Variants in JAZF1 observed in about 807,000 individuals in gnomAD.
JAZF1 encodes juxtaposed with another zinc finger protein 1.
JAZF1 carries 8 observed loss-of-function variants against 26.4 expected under a neutral mutation model. The observed-to-expected ratio is 0.30, with a 90% confidence interval of 0.18 to 0.55. The LOEUF is 0.55. Ranked by LOEUF, JAZF1 falls within the 20% of genes least tolerant of loss-of-function variation. JAZF1 has a pLI of 0.94. For synonymous variants in JAZF1, 126 were observed against 122.3 expected, an observed-to-expected ratio of 1.03 and a Z score of -0.20; for missense variants, 199 against 322.0, an observed-to-expected ratio of 0.62 and a Z score of 2.92.
intron 2 of JAZF1, among the ~76,000 whole-genome samples, chr7:27,905,661 G>A (rs1307830144): frequency 6.7e-6 from 1 of 148,468 alleles, no homozygotes; most frequent in African/African-American, 2.5e-5. Flanking sequence ...ACCTTTTTTA[G>A]TATTTAAATA....
chr7:27,975,685 A>C lies in JAZF1; in HGVS notation c.188+16224T>G, dbSNP rs145256269. Among the ~76,000 whole-genome samples, 205 of 152,320 alleles carry C rather than the reference A, an allele frequency of 1.3e-3. 1 individual carries two copies. Among genetic ancestry groups the C allele is most frequent in the Non-Finnish European group, 1.9e-3 (132 of 68,020 alleles). On this transcript the variant is annotated intron_variant, in intron 2 of 4. Coordinates refer to ENST00000283928, the MANE Select transcript of JAZF1 (RefSeq NM_175061.4). ...TGTCTAGGGTGTTTCTTTATCACTG[A>C]ATTTCTACTGACCTGTGATAAGTTT... is the stretch of plus-strand genomic sequence containing the variant.
intron 1 of JAZF1, among the ~76,000 whole-genome samples, chr7:28,038,879 T>C (rs914080405): frequency 6.6e-6 from 1 of 152,220 alleles, no homozygotes; most frequent in Non-Finnish European, 1.5e-5. Flanking sequence ...TAAAGTATTG[T>C]ACAAAAAACC....
At chr7:28,028,426 C>A (rs973059050) in intron 1 of JAZF1, among the ~76,000 whole-genome samples, 4 of 152,184 alleles carry the variant, frequency 2.6e-5, no homozygotes, top group Non-Finnish European at 5.9e-5. Flanking sequence ...TCTTAAGGGT[C>A]ATGTAGCACT....
intron 1 of JAZF1, among the ~76,000 whole-genome samples, chr7:28,066,043 T>G (rs1177248790): frequency 6.6e-6 from 1 of 152,188 alleles, no homozygotes; most frequent in Non-Finnish European, 1.5e-5. Context: ...TAGTGCTATC[T>G]CTGTTTTTTG....
chr7:27,878,045 G>A (rs964449232), intron 3 of JAZF1, among the ~76,000 whole-genome samples: 5 of 152,164 alleles, frequency 3.3e-5, no homozygotes, highest in Non-Finnish European at 2.9e-5. Context: ...TGTTGATGCC[G>A]AGTCTGCAAG....
intron 1 of JAZF1, among the ~76,000 whole-genome samples, chr7:28,165,832 T>C (rs2127953017): frequency 6.6e-6 from 1 of 152,312 alleles, no homozygotes; most frequent in South Asian, 2.1e-4. Flanking sequence ...TGTTTGAAAT[T>C]AGCTCATGTA....
intron 2 of JAZF1, among the ~76,000 whole-genome samples, chr7:27,966,438 G>A (rs1333023800): frequency 6.6e-6 from 1 of 152,184 alleles, no homozygotes; most frequent in African/African-American, 2.4e-5. Flanking sequence ...GAGGTAGAGA[G>A]TGAGATGCAA....
intron 1 of JAZF1, among the ~76,000 whole-genome samples, chr7:28,158,968 G>A (rs1272651922): frequency 6.6e-6 from 1 of 152,192 alleles, no homozygotes. Flanking sequence ...CTATGTGCCA[G>A]CCACTGTCCT....
intron 1 of JAZF1, among the ~76,000 whole-genome samples, chr7:28,030,816 T>C (rs1012326367): frequency 2.0e-5 from 3 of 152,242 alleles, no homozygotes; most frequent in Non-Finnish European, 4.4e-5. Context: ...TTGATTTCTA[T>C]TTTGGTCTTG....
chr7:28,144,605 G>C (rs1037152563), intron 1 of JAZF1, among the ~76,000 whole-genome samples: 1 of 152,220 alleles, frequency 6.6e-6, no homozygotes, highest in African/African-American at 2.4e-5. Context: ...AGCTGGAGAG[G>C]AAAGAGAAAA....
chr7:27,989,759 G>A (rs573519180), intron 2 of JAZF1, among the ~76,000 whole-genome samples: 2 of 152,282 alleles, frequency 1.3e-5, no homozygotes, highest in Admixed American at 1.3e-4. Context: ...AGTTAGAATG[G>A]CAATCATCAA....
At chr7:27,869,199 G>A (rs1783536928) in intron 3 of JAZF1, among the ~76,000 whole-genome samples, 1 of 152,070 alleles carries the variant, frequency 6.6e-6, no homozygotes, top group African/African-American at 2.4e-5. Flanking sequence ...CTCTATTCAG[G>A]GCTGAAAAAC....
intron 1 of JAZF1, among the ~76,000 whole-genome samples, chr7:28,174,442 G>C (rs961957910): frequency 1.1e-4 from 17 of 152,178 alleles, no homozygotes; most frequent in African/African-American, 4.1e-4. Context: ...CCTACGGGAA[G>C]AATTGGGTTT....
intron 2 of JAZF1, among the ~76,000 whole-genome samples, chr7:27,910,626 TCC>T (rs770148077): frequency 5.9e-5 from 9 of 152,212 alleles, no homozygotes; most frequent in Non-Finnish European, 1.2e-4. Context: ...AACCTGATTA[TCC>T]CAAATCCCTA....
intron 3 of JAZF1, among the ~76,000 whole-genome samples, chr7:27,871,452 G>A (rs1002117518): frequency 6.6e-6 from 1 of 152,204 alleles, no homozygotes; most frequent in Non-Finnish European, 1.5e-5. Flanking sequence ...ATCCACAGAT[G>A]TCCTAATGGG....
At chr7:27,978,014 AATT>A (rs1367551817) in intron 2 of JAZF1, among the ~76,000 whole-genome samples, 1 of 152,210 alleles carries the variant, frequency 6.6e-6, no homozygotes, top group Non-Finnish European at 1.5e-5. Context: ...ATGGAAATTT[AATT>A]ATTTAAATAT....
intron 2 of JAZF1, among the ~76,000 whole-genome samples, chr7:27,976,984 C>T (rs1445458424): frequency 6.6e-6 from 1 of 152,170 alleles, no homozygotes; most frequent in Non-Finnish European, 1.5e-5. Context: ...AGCATCCAGA[C>T]TGATTTTATT....
intron 2 of JAZF1, among the ~76,000 whole-genome samples, chr7:27,948,861 C>G (rs1784961224): frequency 6.6e-6 from 1 of 152,208 alleles, no homozygotes; most frequent in East Asian, 1.9e-4. Flanking sequence ...TACATTTGTG[C>G]AGCGTTCTAC....
intron 1 of JAZF1, among the ~76,000 whole-genome samples, chr7:28,029,166 G>A (rs1291483713): frequency 1.3e-5 from 2 of 152,124 alleles, no homozygotes; most frequent in Non-Finnish European, 1.5e-5. Context: ...CCCCGGGGAG[G>A]AATAGGATTC....
Sources: allele counts gnomAD v4.1 joint callset (sites outside exome capture counted in the v4.1 genomes callset), GRCh38; gene constraint gnomAD v4.1.1; transcripts MANE v1.5; gene names NCBI Gene and HGNC (gene_info 2026-07-23, HGNC 2026-07-21).